Variants in PRKG1 observed in about 807,000 individuals in gnomAD.
PRKG1 encodes the protein cGMP-dependent protein kinase 1.
PRKG1 carries 35 observed loss-of-function variants against 88.1 expected under a neutral mutation model. The ratio of observed to expected loss-of-function variants is 0.40; its 90% confidence interval spans 0.30 to 0.53. The LOEUF (loss-of-function observed/expected upper bound fraction) is 0.53. Ranked by LOEUF, PRKG1 falls within the 20% of genes least tolerant of loss-of-function variation. PRKG1 has a pLI of 0.59. For missense variants in PRKG1, 540 were observed against 839.8 expected (o/e 0.64, Z 4.41); for synonymous variants, 303 against 292.5 (o/e 1.04, Z -0.37).
chr10:52,034,285 G>A (rs945727389), intron 5 of PRKG1, among the ~76,000 whole-genome samples: 2 of 141,582 alleles, frequency 1.4e-5, no homozygotes, highest in African/African-American at 5.4e-5. Context: ...TTTTTGGGTG[G>A]TGGTATGGAG....
intron 2 of PRKG1, among the ~76,000 whole-genome samples, chr10:51,374,575 T>TC (rs1332574626): frequency 6.6e-6 from 1 of 152,052 alleles, no homozygotes; most frequent in Admixed American, 6.6e-5. Flanking sequence ...GAGTTGGGTC[T>TC]CTTTTTTGCC....
intron 4 of PRKG1, among the ~76,000 whole-genome samples, chr10:51,854,163 TG>T (rs1242447041): frequency 6.6e-6 from 1 of 152,152 alleles, no homozygotes; most frequent in Non-Finnish European, 1.5e-5. Flanking sequence ...CTCAGTCATT[TG>T]GTCAACAGGC....
chr10:51,293,600 G>A (rs759256767), intron 2 of PRKG1, among the ~76,000 whole-genome samples: 13 of 152,012 alleles, frequency 8.6e-5, no homozygotes, highest in African/African-American at 1.9e-4. Flanking sequence ...TACCTATACC[G>A]CATTTTCTTT....
chr10:51,448,805 T>A (rs545080560), intron 2 of PRKG1, among the ~76,000 whole-genome samples: 2 of 152,166 alleles, frequency 1.3e-5, no homozygotes, highest in African/African-American at 4.8e-5. Context: ...ATACCTTAAT[T>A]GTGACTGTCA....
intron 3 of PRKG1, among the ~76,000 whole-genome samples, chr10:51,644,559 C>T (rs1248621072): frequency 6.6e-6 from 1 of 151,974 alleles, no homozygotes; most frequent in Admixed American, 6.6e-5. Context: ...AAGTTTTATT[C>T]TGAGTTTTTC....
upstream of PRKG1, among the ~76,000 whole-genome samples, chr10:51,073,330 T>C (rs1190513567): frequency 6.6e-6 from 1 of 152,166 alleles, no homozygotes; most frequent in Non-Finnish European, 1.5e-5. Context: ...CGATTTTCCC[T>C]CTTCTTCAAA....
intron 1 of PRKG1, among the ~76,000 whole-genome samples, chr10:51,025,024 C>T (rs142157561): frequency 5.1e-4 from 78 of 152,274 alleles, no homozygotes; most frequent in Non-Finnish European, 9.0e-4. Context: ...GCCCAGCTAC[C>T]CAGTTGATTG....
chr10:51,220,716 A>T (rs944022521), intron 2 of PRKG1, among the ~76,000 whole-genome samples: 2 of 152,170 alleles, frequency 1.3e-5, no homozygotes, highest in Non-Finnish European at 2.9e-5. Context: ...CTATCTAAGG[A>T]TCTTGTGTTT....
intron 7 of PRKG1, among the ~76,000 whole-genome samples, chr10:52,106,481 C>T (rs1019355915): frequency 2.6e-5 from 4 of 151,892 alleles, no homozygotes; most frequent in Admixed American, 2.0e-4. Flanking sequence ...TTAAATCCTT[C>T]GGGAACAGCA....
chr10:51,986,077 T>G (rs1214756943), intron 5 of PRKG1, among the ~76,000 whole-genome samples: 1 of 152,180 alleles, frequency 6.6e-6, no homozygotes, highest in African/African-American at 2.4e-5. Flanking sequence ...TCACTCTCAC[T>G]GTCCAGAACC....
chr10:51,186,551 G>A (rs1432228725), intron 2 of PRKG1, among the ~76,000 whole-genome samples: 1 of 152,022 alleles, frequency 6.6e-6, no homozygotes, highest in Non-Finnish European at 1.5e-5. Flanking sequence ...GTCTCAGGGT[G>A]AGCCAGGAAT....
intron 4 of PRKG1, among the ~76,000 whole-genome samples, chr10:51,808,164 T>C (rs1839356075): frequency 6.6e-6 from 1 of 152,208 alleles, no homozygotes; most frequent in Non-Finnish European, 1.5e-5. Flanking sequence ...CTGTTTGTTG[T>C]TGCTTTTTAA....
At chr10:51,412,196 A>G (rs1213009900) in intron 2 of PRKG1, among the ~76,000 whole-genome samples, 1 of 104,840 alleles carries the variant, frequency 9.5e-6, no homozygotes, top group Non-Finnish European at 2.1e-5. Context: ...AGAGAGAGAG[A>G]GAGAGAGAGA....
At position 51,385,513 on chromosome 10, in the gene PRKG1, G is replaced by A. The variant is rs766888175; in HGVS notation, c.479-82210G>A. Among the ~76,000 whole-genome samples the A allele has an allele frequency of 3.3e-5, 5 of 152,250 alleles. No homozygotes were observed. The Middle Eastern group carries it at 0.014, about 414-fold the overall frequency. ...ATTCCATTCCTGTGATGGACCAAAT[G>A]TGTTCTTAGCCTTTCCCTGGGTCAG... On this transcript the variant is annotated intron_variant, in intron 2 of 17. Coordinates refer to ENST00000373980, the MANE Select transcript of PRKG1 (RefSeq NM_006258.4).
intron 5 of PRKG1, among the ~76,000 whole-genome samples, chr10:52,022,658 A>C (rs976739984): frequency 3.3e-5 from 5 of 152,238 alleles, no homozygotes; most frequent in African/African-American, 1.2e-4. Context: ...TGTATGGTAT[A>C]GCTCATCTGA....
intron 9 of PRKG1, among the ~76,000 whole-genome samples, chr10:52,237,256 C>G (rs1840712331): frequency 6.9e-6 from 1 of 145,352 alleles, no homozygotes; most frequent in East Asian, 2.0e-4. Flanking sequence ...TGAAAACTGG[C>G]ACAAGACAGG....
intron 5 of PRKG1, among the ~76,000 whole-genome samples, chr10:51,920,015 C>A (rs1471124553): frequency 1.3e-5 from 2 of 152,066 alleles, no homozygotes; most frequent in African/African-American, 4.8e-5. Flanking sequence ...TTCTGTTTTG[C>A]ATTTGGATGC....
intron 8 of PRKG1, among the ~76,000 whole-genome samples, chr10:52,147,193 A>G (rs1837752529): frequency 6.6e-6 from 1 of 152,214 alleles, no homozygotes; most frequent in Admixed American, 6.5e-5. Context: ...CCAACAAGGT[A>G]CCTAAAGAAA....
At chr10:51,768,368 A>G (rs1440995088) in intron 3 of PRKG1, among the ~76,000 whole-genome samples, 3 of 152,164 alleles carry the variant, frequency 2.0e-5, no homozygotes, top group African/African-American at 7.2e-5. Flanking sequence ...AATACTTTTT[A>G]GCTCTAAGTA....
Sources: gnomAD v4.1 joint callset for allele counts (sites outside exome capture counted in the v4.1 genomes callset) on GRCh38, gnomAD v4.1.1 for gene constraint, MANE v1.5 for transcripts, NCBI Gene and HGNC (gene_info 2026-07-23, HGNC 2026-07-21) for gene names.